The following USP7 variants were observed in gnomAD, a reference collection of about 807,000 sequenced individuals.
The protein encoded by USP7 is ubiquitin specific peptidase 7.
In USP7, 9 loss-of-function variants were observed where a neutral mutation model predicts 162.9. The ratio of observed to expected loss-of-function variants is 0.06; its 90% confidence interval spans 0.03 to 0.10. The LOEUF is 0.10. Among genes scored for constraint, USP7 ranks in the 10% least tolerant of loss-of-function variants. The probability of loss-of-function intolerance (pLI) is 1.00; values close to 1 mark genes in which losing one functional copy is unlikely to be tolerated. For missense variants in USP7, 715 were observed against 1,373.7 expected (o/e 0.52, Z 7.58); for synonymous variants, 562 against 475.9 (o/e 1.18, Z -2.35).
chr16:8,913,310 C>G (rs529508069), intron 10 of USP7, among the ~76,000 whole-genome samples: 1 of 152,068 alleles, frequency 6.6e-6, no homozygotes, highest in African/African-American at 2.4e-5. Flanking sequence ...GAGCCGAGAT[C>G]GCACCACTGC....
intron 2 of USP7, chr16:8,929,582 G>A (rs1898199961): frequency 6.6e-6 from 3 of 456,040 alleles, no homozygotes; most frequent in Non-Finnish European, 1.3e-5. Context: ...TGATGGACAT[G>A]CTTTTTGACA....
In USP7 at chr16:8,926,407, A is replaced by T. The variant is rs532915148; in HGVS notation, c.185-2994T>A. On this transcript the variant is annotated intron_variant, in intron 2 of 30. Transcript: ENST00000344836. ...GGCAGGAGAATCGCTTGAACCTGGG[A>T]GGTGGAGGTTGCACTGAGCTGAGAT... Among the ~76,000 whole-genome samples the T allele has an allele frequency of 1.3e-4, 20 of 152,218 alleles. 1 individual carries two copies. In the South Asian group the frequency reaches 4.2e-3, roughly 32 times the overall value.
At chr16:8,930,204 G>T in intron 2 of USP7, 89 bp downstream of exon 2, 1 of 985,228 alleles carries the variant, frequency 1.0e-6, no homozygotes, top group Non-Finnish European at 1.5e-6. Flanking sequence ...AGTACCCAAG[G>T]ATGTACCCAA....
Position 8,895,121 on chromosome 16 carries a change from G to C in USP7, c.2949C>G (p.Asp983Glu). ...CTGTGACAAGCATCTCATTCTCTTTGTCTATGTCCACCTGGTCCAAAGGGA... is the reference window on the plus strand; with the variant it reads ...CTGTGACAAGCATCTCATTCTCTTTCTCTATGTCCACCTGGTCCAAAGGGA... ...EEIPLDQVDI[D>E]KENEMLVTVA... The change falls in exon 28 of 31, where the codon GAC becomes GAG. Residue 983 changes from aspartate to glutamate, a missense_variant. Around this residue, in one of 11 missense-constraint regions of USP7, gnomAD observed 222 missense variants for 441.7 expected, o/e 0.50. Transcript: ENST00000344836. 1 of 1,614,214 alleles carries C rather than the reference G, an allele frequency of 6.2e-7. No homozygotes were observed. Among genetic ancestry groups the C allele is most frequent in the Non-Finnish European group, 8.5e-7 (1 of 1,180,038 alleles).
intron 18 of USP7, among the ~76,000 whole-genome samples, 177 bp from the exon 19 acceptor site, chr16:8,901,411 C>T (rs145151865): frequency 1.3e-3 from 195 of 152,104 alleles, no homozygotes; most frequent in African/African-American, 4.2e-3. Context: ...GGCTTATTCA[C>T]GAAGCTGAGG....
intron 6 of USP7, among the ~76,000 whole-genome samples, chr16:8,918,470 C>G (rs1452170145): frequency 6.6e-6 from 1 of 152,120 alleles, no homozygotes; most frequent in Non-Finnish European, 1.5e-5. Flanking sequence ...ATATGTTTTT[C>G]TAAATACCTT....
intron 1 of USP7, among the ~76,000 whole-genome samples, chr16:8,957,258 C>T (rs1473994543): frequency 6.6e-6 from 1 of 152,124 alleles, no homozygotes; most frequent in African/African-American, 2.4e-5. Context: ...CACTTAAAAC[C>T]CTGCTTCCTC....
chr16:8,947,795 C>A (rs1347454558), intron 1 of USP7, among the ~76,000 whole-genome samples: 1 of 152,194 alleles, frequency 6.6e-6, no homozygotes, highest in Non-Finnish European at 1.5e-5. Flanking sequence ...TGTGGGACTG[C>A]CTGATGGGTT....
chr16:8,961,837 C>A (rs573537934), intron 1 of USP7, among the ~76,000 whole-genome samples: 3 of 152,156 alleles, frequency 2.0e-5, no homozygotes, highest in Non-Finnish European at 4.4e-5. Flanking sequence ...ACATAACAGG[C>A]GCTCTTAGTT....
intron 2 of USP7, among the ~76,000 whole-genome samples, chr16:8,924,666 C>T (rs1480304801): frequency 2.0e-5 from 3 of 152,384 alleles, no homozygotes; most frequent in South Asian, 2.1e-4. Context: ...TCACTAACAA[C>T]TGAGTTCTCA....
chr16:8,920,266 A>G, intron 5 of USP7, 93 bp downstream of exon 5: 3 of 1,088,310 alleles, frequency 2.8e-6, no homozygotes, highest in Non-Finnish European at 4.1e-6. Flanking sequence ...CTTACTGATT[A>G]AATATGTGCA....
At chr16:8,898,805 C>T (rs1321447191) in intron 23 of USP7, 166 bp from the exon 24 acceptor site, 1 of 630,434 alleles carries the variant, frequency 1.6e-6, no homozygotes. Flanking sequence ...CTAAGTCCCA[C>T]TCGCTGTCAC....
intron 4 of USP7, 21 bp from the exon 5 acceptor site, chr16:8,920,468 TA>T: frequency 6.3e-7 from 1 of 1,593,246 alleles, no homozygotes; most frequent in Non-Finnish European, 8.6e-7. Context: ...TAAATAAGAA[TA>T]TCCAGCTTGA....
intron 2 of USP7, chr16:8,929,629 C>T (rs1567232060): frequency 2.2e-6 from 1 of 455,544 alleles, no homozygotes; most frequent in Non-Finnish European, 4.4e-6. Context: ...ACTCCAGGGG[C>T]TGCATACTGC....
At position 8,917,135 on chromosome 16, in the gene USP7, C is replaced by T; in HGVS notation, c.742G>A (p.Glu248Lys). 6.2e-7 allele frequency: 1 copy of T among 1,612,832 alleles called. No individual in the cohort carries two copies. The highest frequency in any genetic ancestry group is 8.5e-7 in the Non-Finnish European group (1 of 1,179,750). The part of the protein sequence containing the change: ...LRKAVYMMPT[E>K]GDDSSKSVPL... Reference sequence around the variant, plus strand: ...ACGCTTTTAGACGAATCATCCCCCTCGGTTGGCATCATGTACACAGCCTGA... The same window carrying T: ...ACGCTTTTAGACGAATCATCCCCCTTGGTTGGCATCATGTACACAGCCTGA... The change falls in exon 7 of 31, where the codon GAG becomes AAG. Residue 248 changes from glutamate to lysine, a missense_variant. Glu to Lys is a moderately conservative substitution (Grantham distance 56). This residue lies in a region of USP7 where 24 missense variants were observed against 153.3 expected (regional missense o/e 0.16). Coordinates refer to ENST00000344836, the MANE Select transcript of USP7 (RefSeq NM_003470.3).
At chr16:8,902,584 G>T (rs2061792737) in intron 16 of USP7, 102 bp from the exon 17 acceptor site, 1 of 950,810 alleles carries the variant, frequency 1.1e-6, no homozygotes, top group South Asian at 1.7e-5. Flanking sequence ...TATATATATA[G>T]TCAATGTTAA....
At chr16:8,902,549 A>C in intron 16 of USP7, 67 bp from the exon 17 acceptor site, 1 of 1,267,450 alleles carries the variant, frequency 7.9e-7, no homozygotes, top group Non-Finnish European at 1.1e-6. Context: ...TATATTACAC[A>C]CACATATGTA....
chr16:8,950,402 G>C (rs1361071751), intron 1 of USP7, among the ~76,000 whole-genome samples: 1 of 152,112 alleles, frequency 6.6e-6, no homozygotes, highest in Admixed American at 6.5e-5. Context: ...CATCAAAAAA[G>C]AATTACATTT....
intron 26 of USP7, among the ~76,000 whole-genome samples, 173 bp downstream of exon 26, chr16:8,896,826 G>A (rs765562437): frequency 6.6e-6 from 1 of 152,108 alleles, no homozygotes; most frequent in African/African-American, 2.4e-5. Context: ...AGCAACACTG[G>A]GTCTGTGTTG....
Sources: gnomAD v4.1 joint callset for allele counts (sites outside exome capture counted in the v4.1 genomes callset) on GRCh38, gnomAD v4.1.1 for gene constraint, gnomAD v4.1.1 regional missense constraint, MANE v1.5 for transcripts, NCBI Gene and HGNC (gene_info 2026-07-23, HGNC 2026-07-21) for gene names.